The following ARHGAP26 variants were observed in gnomAD, a reference collection of about 807,000 sequenced individuals.
ARHGAP26 encodes Rho GTPase activating protein 26.
Under a neutral mutation model 104.8 loss-of-function variants are expected in ARHGAP26, and 38 were observed. The observed-to-expected ratio is 0.36, with a 90% CI of 0.28 to 0.48. ARHGAP26 has a LOEUF of 0.48. ARHGAP26 is among the 20% of genes least tolerant of loss of function. The pLI is 0.99. For synonymous variants in ARHGAP26, 341 were observed against 340.0 expected, an observed-to-expected ratio of 1.00 and a Z score of -0.03; for missense variants, 704 against 947.9, an observed-to-expected ratio of 0.74 and a Z score of 3.38.
chr5:143,182,295 C>G (rs1179698829), intron 20 of ARHGAP26, among the ~76,000 whole-genome samples: 2 of 152,184 alleles, frequency 1.3e-5, no homozygotes, highest in Non-Finnish European at 2.9e-5. Flanking sequence ...TGAACAGTTG[C>G]AAAACTCATC....
At chr5:142,831,992 A>G (rs999327685) in intron 1 of ARHGAP26, among the ~76,000 whole-genome samples, 3 of 152,266 alleles carry the variant, frequency 2.0e-5, no homozygotes, top group South Asian at 2.1e-4. Context: ...AGGTTTGGCC[A>G]TATCATATCC....
intron 11 of ARHGAP26, among the ~76,000 whole-genome samples, chr5:142,993,534 AC>A (rs1272558080): frequency 6.6e-6 from 1 of 151,904 alleles, no homozygotes; most frequent in African/African-American, 2.4e-5. Flanking sequence ...CGAATTCCTG[AC>A]CTCAGGTGAT....
At chr5:142,975,790 C>T (rs1562189070) in intron 11 of ARHGAP26, among the ~76,000 whole-genome samples, 1 of 152,134 alleles carries the variant, frequency 6.6e-6, no homozygotes, top group African/African-American at 2.4e-5. Flanking sequence ...TCTTTGTGTC[C>T]TGGGTTGCCT....
chr5:143,028,033 A>G (rs1160795652), intron 12 of ARHGAP26, among the ~76,000 whole-genome samples: 2 of 152,206 alleles, frequency 1.3e-5, no homozygotes, highest in Non-Finnish European at 2.9e-5. Flanking sequence ...AGCAGAAAGC[A>G]AAGAGTAGAA....
At chr5:142,873,594 T>C in intron 2 of ARHGAP26, 99 bp downstream of exon 2, 1 of 798,882 alleles carries the variant, frequency 1.3e-6, no homozygotes, top group Non-Finnish European at 1.9e-6. Flanking sequence ...GTCTCTAAGG[T>C]TAGTAAACAA....
At chr5:143,150,475 G>A (rs1231332011) in intron 20 of ARHGAP26, among the ~76,000 whole-genome samples, 2 of 152,190 alleles carry the variant, frequency 1.3e-5, no homozygotes, top group African/African-American at 4.8e-5. Context: ...CGGGTAGATG[G>A]AGTGTGAGGT....
chr5:142,963,814 C>G (rs1220068785), intron 11 of ARHGAP26, among the ~76,000 whole-genome samples: 1 of 152,114 alleles, frequency 6.6e-6, no homozygotes, highest in East Asian at 1.9e-4. Context: ...GAATGGCATT[C>G]TTTGAATTAG....
At chr5:142,781,446 T>C (rs1757474472) in intron 1 of ARHGAP26, among the ~76,000 whole-genome samples, 1 of 152,184 alleles carries the variant, frequency 6.6e-6, no homozygotes, top group Non-Finnish European at 1.5e-5. Flanking sequence ...TTGCCTAAAA[T>C]AATCCCATAT....
intron 20 of ARHGAP26, among the ~76,000 whole-genome samples, chr5:143,187,566 C>T (rs1805332516): frequency 6.6e-6 from 1 of 152,234 alleles, no homozygotes; most frequent in Non-Finnish European, 1.5e-5. Context: ...GCCATCCGCC[C>T]TGTGGAAGCC....
chr5:142,836,504 TAAG>T (rs896846748), intron 1 of ARHGAP26, among the ~76,000 whole-genome samples: 18 of 152,334 alleles, frequency 1.2e-4, no homozygotes, highest in South Asian at 2.1e-4. Context: ...AGGCTTCAAG[TAAG>T]AAGAAGTCTC....
intron 17 of ARHGAP26, among the ~76,000 whole-genome samples, chr5:143,101,692 A>G (rs568479039): frequency 1.3e-5 from 2 of 150,914 alleles, no homozygotes; most frequent in East Asian, 3.9e-4. Context: ...GCCTTGAACA[A>G]TTGCTTCCTA....
At chr5:143,147,114 T>G (rs1799257269) in intron 19 of ARHGAP26, 117 bp from the exon 20 acceptor site, 3 of 1,239,274 alleles carry the variant, frequency 2.4e-6, no homozygotes, top group Non-Finnish European at 2.2e-6. Context: ...TTTCTTAAGC[T>G]TCCCTGGGAT....
rs539403659 is a variant in ARHGAP26, at chr5:142,818,855, G to C, written c.154+47940G>C. Among the ~76,000 whole-genome samples, 4 of 152,162 alleles carry C rather than the reference G, an allele frequency of 2.6e-5. No individual in the cohort carries two copies. The South Asian group carries it at 8.3e-4, about 32-fold the overall frequency. On this transcript the variant is annotated intron_variant, in intron 1 of 22. Coordinates refer to ENST00000645722, the MANE Select transcript of ARHGAP26 (RefSeq NM_001135608.3). ...GGCACCTCTCACCTGGAGTAATGTG[G>C]AGGGGACCCACATTAGAATGCCCCT...
At chr5:142,898,637 G>A (rs1460209523) in intron 6 of ARHGAP26, among the ~76,000 whole-genome samples, 1 of 151,980 alleles carries the variant, frequency 6.6e-6, no homozygotes, top group Non-Finnish European at 1.5e-5. Context: ...TCTCTCTTTT[G>A]CCAAGAAGCT....
At chr5:142,898,728 CCA>C (rs1253081131) in intron 6 of ARHGAP26, among the ~76,000 whole-genome samples, 1 of 152,184 alleles carries the variant, frequency 6.6e-6, no homozygotes, top group Non-Finnish European at 1.5e-5. Context: ...ATAGTAAAAA[CCA>C]CTGTTATCCT....
rs535497331 is a variant in ARHGAP26, at chr5:142,786,296, A to T, written c.154+15381A>T. Among the ~76,000 whole-genome samples, 4 of 151,620 alleles carry T rather than the reference A, an allele frequency of 2.6e-5. No homozygotes were observed. In the East Asian group the frequency reaches 7.8e-4, roughly 30 times the overall value. On this transcript the variant is annotated intron_variant, in intron 1 of 22. Transcript: ENST00000645722. ...GGTGTTTGGCCCTAATACATTTTTT[A>T]AAAAGTTAATTTCTTTAAGAGTTGG...
Position 143,208,212 on chromosome 5 carries a change from G to A in ARHGAP26, c.2099+904G>A, listed in dbSNP as rs1410107179. On this transcript the variant is annotated intron_variant, in intron 21 of 22. Transcript: ENST00000645722. ...AAAAAAAAAGAGCTCTTTACAACCG[G>A]GAAAAGAACGAATAGGGATCCTGCA... 2.0e-5 allele frequency among the ~76,000 whole-genome samples: 3 copies of A among 152,256 alleles called. No homozygotes were observed. In the South Asian group the frequency reaches 6.2e-4, roughly 32 times the overall value.
Position 142,890,675 on chromosome 5 carries a change from G to C in ARHGAP26, c.487-3563G>C, listed in dbSNP as rs1024559352. ...GAGATGATGTGGCTGGTTTAGGGTA[G>C]AGCAGGAAGTGAGACCCCTGTGTTC... On this transcript the variant is annotated intron_variant, in intron 5 of 22. Coordinates refer to ENST00000645722, the MANE Select transcript of ARHGAP26 (RefSeq NM_001135608.3). Among the ~76,000 whole-genome samples the C allele has an allele frequency of 3.9e-5, 6 of 152,248 alleles. No individual in the cohort carries two copies. In the South Asian group the frequency reaches 1.2e-3, roughly 32 times the overall value.
chr5:143,054,351 T>C (rs1250097448), intron 14 of ARHGAP26, 88 bp from the exon 15 acceptor site: 1 of 786,106 alleles, frequency 1.3e-6, no homozygotes. Context: ...TTTCTCTAGT[T>C]ACTAGCAAGA....
Sources: gnomAD v4.1 joint callset for allele counts (sites outside exome capture counted in the v4.1 genomes callset) on GRCh38, gnomAD v4.1.1 for gene constraint, MANE v1.5 for transcripts, NCBI Gene and HGNC (gene_info 2026-07-23, HGNC 2026-07-21) for gene names.